The following STK33 variants were observed in gnomAD, a reference collection of about 807,000 sequenced individuals.
STK33 encodes serine/threonine-protein kinase 33.
In STK33, 52 loss-of-function variants were observed where a neutral mutation model predicts 58.0. The observed-to-expected ratio is 0.90, with a 90% CI of 0.72 to 1.13. The LOEUF is 1.13. Among genes scored for constraint, STK33 ranks in the 50% most tolerant of loss-of-function variants. The probability of loss-of-function intolerance (pLI) is 0.00; values close to 1 mark genes in which losing one functional copy is unlikely to be tolerated. For synonymous variants in STK33, 215 were observed against 200.1 expected, an observed-to-expected ratio of 1.07 and a Z score of -0.63; for missense variants, 630 against 604.2, an observed-to-expected ratio of 1.04 and a Z score of -0.45.
At chr11:8,441,774 A>C (rs918402101) in intron 11 of STK33, among the ~76,000 whole-genome samples, 1 of 152,194 alleles carries the variant, frequency 6.6e-6, no homozygotes, top group African/African-American at 2.4e-5. Flanking sequence ...AAGCAGAAAA[A>C]TACAATATAT....
the STK33 span, among the ~76,000 whole-genome samples, chr11:8,352,528 G>A: frequency 1.3e-5 from 2 of 152,142 alleles, no homozygotes; most frequent in African/African-American, 4.8e-5. Flanking sequence ...CAGCAGGGGT[G>A]TCGATCAGAA....
chr11:8,423,878 T>C (rs1379254887), intron 14 of STK33, among the ~76,000 whole-genome samples: 1 of 152,082 alleles, frequency 6.6e-6, no homozygotes, highest in Admixed American at 6.6e-5. Context: ...GGTTATTTTA[T>C]TAGTTGCATA....
intron 1 of STK33, among the ~76,000 whole-genome samples, chr11:8,546,485 T>C (rs1955921535): frequency 6.6e-6 from 1 of 152,192 alleles, no homozygotes; most frequent in African/African-American, 2.4e-5. Context: ...AAATATAAAA[T>C]AAATTACTGT....
chr11:8,488,327 G>A (rs557530982), intron 1 of STK33, among the ~76,000 whole-genome samples: 1 of 152,208 alleles, frequency 6.6e-6, no homozygotes, highest in Non-Finnish European at 1.5e-5. Context: ...TTAGATCTCT[G>A]TAGGGGCTTT....
At chr11:8,396,018 G>A (rs969460072) in intron 15 of STK33, among the ~76,000 whole-genome samples, 4 of 152,098 alleles carry the variant, frequency 2.6e-5, no homozygotes, top group Non-Finnish European at 5.9e-5. Flanking sequence ...TCAGCCTAAC[G>A]CTGGCTACCC....
chr11:8,544,153 C>T (rs1350202421), intron 1 of STK33, among the ~76,000 whole-genome samples: 1 of 151,790 alleles, frequency 6.6e-6, no homozygotes, highest in Non-Finnish European at 1.5e-5. Context: ...AATGCTATCC[C>T]TCCCATAGCC....
intron 12 of STK33, among the ~76,000 whole-genome samples, chr11:8,437,883 T>TA (rs576498846): frequency 6.6e-4 from 100 of 152,360 alleles, no homozygotes; most frequent in African/African-American, 2.1e-3. Flanking sequence ...TAATACTTTT[T>TA]ATCTCTCTAG....
intron 1 of STK33, among the ~76,000 whole-genome samples, chr11:8,556,983 T>G (rs9704586): frequency 0.54 from 80,946 of 151,166 alleles, 21,810 homozygotes; most frequent in South Asian, 0.65. Context: ...AGGCATGGTG[T>G]CTCATGCCTG....
At chr11:8,463,497 G>T (rs59259130) in intron 7 of STK33, among the ~76,000 whole-genome samples, 156 of 152,154 alleles carry the variant, frequency 1.0e-3, no homozygotes, top group African/African-American at 3.7e-3. Context: ...GACAGGTACC[G>T]GTCCAAGACC....
intron 12 of STK33, among the ~76,000 whole-genome samples, chr11:8,437,281 A>T (rs998772950): frequency 6.6e-6 from 1 of 152,192 alleles, no homozygotes; most frequent in African/African-American, 2.4e-5. Flanking sequence ...CAAGCCTGTA[A>T]AGCTATTACT....
chr11:8,341,005 C>T, the STK33 span, among the ~76,000 whole-genome samples: 1 of 152,202 alleles, frequency 6.6e-6, no homozygotes, highest in Non-Finnish European at 1.5e-5. Context: ...ACTACAGGCA[C>T]ATGCCACCAC....
chr11:8,406,532 C>A (rs931009216), intron 15 of STK33, among the ~76,000 whole-genome samples: 3 of 152,138 alleles, frequency 2.0e-5, no homozygotes, highest in Admixed American at 2.0e-4. Context: ...CTATTTCAGT[C>A]TTTTTCAATT....
Position 8,413,550 on chromosome 11 carries a change from G to T in STK33, c.1289C>A (p.Pro430His). 6.2e-7 allele frequency: 1 copy of T among 1,613,898 alleles called. No individual in the cohort carries two copies. Among genetic ancestry groups the T allele is most frequent in the Non-Finnish European group, 8.5e-7 (1 of 1,179,944 alleles). Reference protein sequence around the residue: ...STEEKLKSYQPWGNVPDANYT... With the variant: ...STEEKLKSYQHWGNVPDANYT... ...ATTGGCATCAGGGACATTTCCCCAG[G>T]GTTGGTAACTTTTCAACTTTTCTTC... The change falls in exon 15 of 16, where the codon CCC becomes CAC. Residue 430 changes from proline to histidine, a missense_variant. Pro to His is a moderately conservative substitution (Grantham distance 77, BLOSUM62 -2). Coordinates refer to ENST00000687296, the MANE Select transcript of STK33 (RefSeq NM_001352389.2).
intron 10 of STK33, among the ~76,000 whole-genome samples, chr11:8,453,731 G>C (rs542550763): frequency 6.6e-6 from 1 of 152,176 alleles, no homozygotes; most frequent in African/African-American, 2.4e-5. Flanking sequence ...TCTTTGTCCA[G>C]AGACAATGAA....
At chr11:8,339,220 C>T in the STK33 span, among the ~76,000 whole-genome samples, 2 of 152,138 alleles carry the variant, frequency 1.3e-5, no homozygotes, top group Non-Finnish European at 2.9e-5. Flanking sequence ...TATTAATGCA[C>T]GCCTCCGAGT....
chr11:8,469,615 T>C (rs1349601682), intron 6 of STK33, among the ~76,000 whole-genome samples: 1 of 152,178 alleles, frequency 6.6e-6, no homozygotes, highest in Non-Finnish European at 1.5e-5. Context: ...ATGAATCCTT[T>C]CCAAAAGGTT....
intron 1 of STK33, among the ~76,000 whole-genome samples, chr11:8,576,494 C>T: frequency 6.6e-6 from 1 of 152,282 alleles, no homozygotes; most frequent in Middle Eastern, 3.4e-3. Context: ...GTATTACTAT[C>T]TATCTGGCTA....
chr11:8,492,805 T>C (rs1051214008), intron 1 of STK33, among the ~76,000 whole-genome samples: 3 of 152,198 alleles, frequency 2.0e-5, no homozygotes, highest in African/African-American at 7.2e-5. Context: ...ACTCAAATCC[T>C]GAAAAGTGCA....
At chr11:8,370,075 C>T in the STK33 span, among the ~76,000 whole-genome samples, 7,447 of 152,264 alleles carry the variant, frequency 0.049, 247 homozygotes, top group Non-Finnish European at 0.07. Flanking sequence ...GAGGAGACCC[C>T]GTCTGAGGGG....
Sources: allele counts gnomAD v4.1 joint callset (sites outside exome capture counted in the v4.1 genomes callset), GRCh38; gene constraint gnomAD v4.1.1; transcripts MANE v1.5; gene names NCBI Gene and HGNC (gene_info 2026-07-23, HGNC 2026-07-21).